Variants in BCL3 observed in about 807,000 individuals in gnomAD.
BCL3 encodes B-cell lymphoma 3 protein.
In BCL3, 15 loss-of-function variants were observed where a neutral mutation model predicts 35.7. The ratio of observed to expected loss-of-function variants is 0.42; its 90% CI spans 0.28 to 0.65. The LOEUF (loss-of-function observed/expected upper bound fraction) is 0.65. Ranked by LOEUF, BCL3 falls within the 30% of genes least tolerant of loss-of-function variation. The pLI is 0.22. For missense variants in BCL3, 565 were observed against 641.7 expected (o/e 0.88, Z 1.29); for synonymous variants, 311 against 284.3 (o/e 1.09, Z -0.95).
In BCL3 at chr19:44,757,016, GACACC is replaced by G; in HGVS notation, c.520_524del (p.Thr174AlafsTer66). ...GGTCCCTCACAGTCACTGTTCCCCA[GACACC>G]GCTCCACCTGGCTGTGATCACCACA... On this transcript the variant is annotated frameshift_variant and splice_region_variant, in exon 4 of 9. Transcript: ENST00000164227. LOFTEE classifies it high-confidence loss of function. This position sits in a 1 kb window ranked among gnomAD's most constrained non-coding sequence, Gnocchi z 8.4. The G allele has an allele frequency of 6.3e-7, 1 of 1,599,826 alleles. No homozygotes were observed. Among genetic ancestry groups the G allele is most frequent in the Non-Finnish European group, 8.5e-7 (1 of 1,170,594 alleles).
In BCL3 at chr19:44,756,654, T is replaced by TG. The variant is rs201493015; in HGVS notation, c.519+318dup. On this transcript the variant is annotated intron_variant, in intron 3 of 8. Coordinates refer to ENST00000164227, the MANE Select transcript of BCL3 (RefSeq NM_005178.5). ...ACTCCTGGGTCTGAGGGAGGAGGGCTGGGGTCTGGACTCTAAGTAGCGAGG... is the reference window on the plus strand; with the variant it reads ...ACTCCTGGGTCTGAGGGAGGAGGGCTGGGGGTCTGGACTCTAAGTAGCGAGG... Among the ~76,000 whole-genome samples, 1,325 of 149,612 alleles carry TG rather than the reference T, an allele frequency of 8.9e-3. 26 individuals are homozygous for TG. The highest frequency in any genetic ancestry group is 0.049 in the South Asian group (229 of 4,648).
chr19:44,756,400 G>T, intron 3 of BCL3, 60 bp downstream of exon 3: 5 of 1,260,296 alleles, frequency 4.0e-6, no homozygotes, highest in Non-Finnish European at 5.2e-6. Context: ...GACAGAGGAG[G>T]GGCTGGGGGC....
upstream of BCL3, chr19:44,748,140 C>T (rs539447834): frequency 2.3e-4 from 290 of 1,271,106 alleles, 2 homozygotes; most frequent in South Asian, 3.5e-3. Context: ...TAAGTGGGAA[C>T]CGAGATTCCA....
intron 2 of BCL3, chr19:44,755,216 A>G (rs1239314657): frequency 6.6e-6 from 1 of 152,400 alleles, no homozygotes; most frequent in Non-Finnish European, 1.5e-5. Flanking sequence ...CAGGAAGTTT[A>G]TTGGAAATGC....
Position 44,757,784 on chromosome 19 carries a change from G to A in BCL3, c.891+61G>A. 6.5e-7 allele frequency: 1 copy of A among 1,531,630 alleles called. No individual in the cohort carries two copies. Among genetic ancestry groups the A allele is most frequent in the South Asian group, 1.1e-5 (1 of 89,010 alleles). 94.9% of individuals were successfully genotyped at this position (1,531,630 alleles called of 1,614,324 possible). On this transcript the variant is annotated intron_variant, in intron 6 of 8. Transcript: ENST00000164227. The surrounding 1 kb of genome is among the most constrained non-coding windows in gnomAD (Gnocchi z 8.4). ...ATCCTCTGACCCCAACCCGGCTCTG[G>A]CCTCAGCCCCTAGCTCTGACCCCGC...
chr19:44,756,433 GGGGGGCT>G, intron 3 of BCL3, 93 bp downstream of exon 3: 1 of 927,568 alleles, frequency 1.1e-6, no homozygotes, highest in Non-Finnish European at 1.5e-6. Flanking sequence ...GTCTGAGGGA[GGGGGGCT>G]GGGGCCTGGA....
rs1281208864 is a variant in BCL3 at position 44,757,207 on chromosome 19, C to G, written c.710C>G (p.Ala237Gly). The G allele has an allele frequency of 6.4e-7, 1 of 1,555,058 alleles. No homozygotes were observed. Among genetic ancestry groups the G allele is most frequent in the Non-Finnish European group, 8.7e-7 (1 of 1,146,096 alleles). ...GCTCCGGGCACGTTGGACCTGGAGG[C>G]CCGCAATTATGACGGTAAGCATTTA... ...SAAPGTLDLE[A>G]RNYDGLTALH... is the part of the protein sequence containing the mutation. The change falls in exon 4 of 9, where the codon GCC becomes GGC. Residue 237 changes from alanine (A) to glycine (G), a missense_variant. Physicochemically the swap from Ala to Gly is moderately conservative, Grantham distance 60 (BLOSUM62 0). Around this residue, in one of 5 missense-constraint regions of BCL3, gnomAD observed 103 missense variants for 106.7 expected, o/e 0.97. Coordinates refer to ENST00000164227, the MANE Select transcript of BCL3 (RefSeq NM_005178.5). The surrounding 1 kb of genome is among the most constrained non-coding windows in gnomAD (Gnocchi z 8.4).
Position 44,757,191 on chromosome 19 carries a change from A to G in BCL3, c.694A>G (p.Thr232Ala). ...RALLDSAAPG[T>A]LDLEARNYDG... ...CCTGCTGGACAGCGCAGCTCCGGGC[A>G]CGTTGGACCTGGAGGCCCGCAATTA... Residue 232 changes from threonine to alanine, a missense_variant, in exon 4 of 9, where the codon ACG becomes GCG. This residue lies in a region of BCL3 where 103 missense variants were observed against 106.7 expected (regional missense o/e 0.97). Transcript: ENST00000164227. The surrounding 1 kb of genome is among the most constrained non-coding windows in gnomAD (Gnocchi z 8.4). 1.5e-5 allele frequency: 24 copies of G among 1,565,014 alleles called. No individual in the cohort carries two copies. Among genetic ancestry groups the G allele is most frequent in the Non-Finnish European group, 2.1e-5 (24 of 1,152,376 alleles).
intron 2 of BCL3, among the ~76,000 whole-genome samples, chr19:44,752,670 G>A (rs1599839206): frequency 6.6e-6 from 1 of 152,178 alleles, no homozygotes; most frequent in Admixed American, 6.5e-5. Context: ...AGTCCTGCAC[G>A]GGAGGGTTTG....
chr19:44,749,068 G>T, intron 1 of BCL3, 22 bp downstream of exon 1: 2 of 1,256,980 alleles, frequency 1.6e-6, no homozygotes, highest in Non-Finnish European at 2.0e-6. Flanking sequence ...CCGAGGGTCC[G>T]GGCCGGGTGG....
intron 2 of BCL3, 197 bp from the exon 3 acceptor site, chr19:44,756,034 AG>A: frequency 2.5e-6 from 1 of 393,188 alleles, no homozygotes; most frequent in Middle Eastern, 4.5e-4. Context: ...CTAGACCAGC[AG>A]GGAGCCAGTG....
intron 3 of BCL3, 115 bp downstream of exon 3, chr19:44,756,455 TG>T (rs1272390016): frequency 4.1e-6 from 3 of 730,636 alleles, no homozygotes; most frequent in Non-Finnish European, 5.8e-6. Context: ...CCTGGACCCC[TG>T]GGTCTGAGGG....
intron 2 of BCL3, among the ~76,000 whole-genome samples, chr19:44,752,921 AACAGGCCTGTTTCTGCAG>A (rs1476410073): frequency 6.6e-6 from 1 of 152,194 alleles, no homozygotes; most frequent in Non-Finnish European, 1.5e-5. Flanking sequence ...GGTAGAGATG[AACAGGCCTGTTTCTGCAG>A]AGAAGTAGCA....
intron 1 of BCL3, among the ~76,000 whole-genome samples, chr19:44,749,621 A>G (rs1235048248): frequency 6.6e-6 from 1 of 152,034 alleles, no homozygotes; most frequent in Admixed American, 6.6e-5. Context: ...CTGGGATCAC[A>G]AGGATCCAAG....
chr19:44,751,587 C>G (rs1040967813), intron 2 of BCL3, among the ~76,000 whole-genome samples: 2 of 152,074 alleles, frequency 1.3e-5, no homozygotes, highest in African/African-American at 4.8e-5. Flanking sequence ...TCCTAGGCCA[C>G]TATTTTTGTT....
At chr19:44,750,800 G>T (rs1054226096) in intron 1 of BCL3, among the ~76,000 whole-genome samples, 1 of 151,934 alleles carries the variant, frequency 6.6e-6, no homozygotes, top group Admixed American at 6.6e-5. Flanking sequence ...ATTTGAACAG[G>T]CTTCTGGTAA....
At chr19:44,749,969 A>G (rs1222947299) in intron 1 of BCL3, among the ~76,000 whole-genome samples, 1 of 152,154 alleles carries the variant, frequency 6.6e-6, no homozygotes, top group African/African-American at 2.4e-5. Context: ...GACGAAGACC[A>G]CACACTCTTC....
intron 2 of BCL3, chr19:44,756,030 C>T: frequency 2.6e-6 from 1 of 389,466 alleles, no homozygotes; most frequent in Non-Finnish European, 4.6e-6. Flanking sequence ...TGTACTAGAC[C>T]AGCAGGGAGC....
Position 44,748,781 on chromosome 19 carries a change from C to T in BCL3, c.-10C>T, listed in dbSNP as rs1007434967. On this transcript the variant is annotated 5_prime_UTR_variant, in exon 1 of 9. Coordinates refer to ENST00000164227, the MANE Select transcript of BCL3 (RefSeq NM_005178.5). ...CCAGCCGCTCTCCGGCCGCCGTCCC[C>T]GGCGGCCCCATGCCCCGATGCCCCG... 8.9e-5 allele frequency: 98 copies of T among 1,105,134 alleles called. No homozygotes were observed. Among genetic ancestry groups the T allele is most frequent in the Non-Finnish European group, 1.0e-4 (94 of 907,192 alleles). The allele number at this position is 1,105,134 out of a possible 1,614,324, so 68.5% of individuals were successfully genotyped here. A position where few individuals can be genotyped will look rare whatever the true frequency, so the allele number is the denominator to read the frequency against.
Sources: gnomAD v4.1 joint callset for allele counts (sites outside exome capture counted in the v4.1 genomes callset) on GRCh38, gnomAD v4.1.1 for gene constraint, gnomAD v4.1.1 regional missense constraint, Gnocchi (gnomAD v3.1) non-coding constraint, MANE v1.5 for transcripts, NCBI Gene and HGNC (gene_info 2026-07-23, HGNC 2026-07-21) for gene names.